ATP10A: variants seen among roughly 807,000 people sequenced by gnomAD.
ATP10A encodes phospholipid-transporting ATPase VA.
ATP10A carries 111 observed loss-of-function variants against 147.8 expected under a neutral mutation model. The observed-to-expected ratio is 0.75, with a 90% CI of 0.64 to 0.88. The LOEUF is 0.88. ATP10A is among the 40% of genes least tolerant of loss of function. The pLI is 0.00. For synonymous variants in ATP10A, 875 were observed against 841.6 expected (o/e 1.04, Z -0.69); for missense variants, 1,927 against 1,959.0 (o/e 0.98, Z 0.31).
intron 1 of ATP10A, among the ~76,000 whole-genome samples, chr15:25,830,686 C>G (rs1892316552): frequency 6.6e-6 from 1 of 152,100 alleles, no homozygotes; most frequent in African/African-American, 2.4e-5. Context: ...ATCTTCAGTC[C>G]CAAACTCAGA....
chr15:25,829,536 T>C (rs1286293839), intron 1 of ATP10A, among the ~76,000 whole-genome samples: 1 of 152,168 alleles, frequency 6.6e-6, no homozygotes, highest in Non-Finnish European at 1.5e-5. Context: ...AGAGTTAACA[T>C]TCTAATGCGG....
intron 1 of ATP10A, among the ~76,000 whole-genome samples, chr15:25,789,591 T>TGTGTGTGTGTGC (rs1555470190): frequency 6.6e-6 from 1 of 151,254 alleles, no homozygotes; most frequent in Non-Finnish European, 1.5e-5. Context: ...TGTGTGTGTG[T>TGTGTGTGTGTGC]GACAGAGACA....
intron 2 of ATP10A, among the ~76,000 whole-genome samples, chr15:25,756,243 A>G (rs1369868249): frequency 6.6e-6 from 1 of 152,134 alleles, no homozygotes; most frequent in African/African-American, 2.4e-5. Flanking sequence ...ATCTTGTCAG[A>G]TCTGCTCCTA....
downstream of ATP10A, among the ~76,000 whole-genome samples, chr15:25,674,343 A>G (rs2140261351): frequency 6.6e-6 from 1 of 152,318 alleles, no homozygotes; most frequent in Admixed American, 6.5e-5. Context: ...GCTTGGACAA[A>G]GGAGATTCAG....
downstream of ATP10A, among the ~76,000 whole-genome samples, chr15:25,674,971 G>A (rs1298400539): frequency 1.3e-5 from 2 of 152,210 alleles, no homozygotes; most frequent in Non-Finnish European, 1.5e-5. Context: ...TGGGCTTTGT[G>A]TGCCATTTTA....
intron 2 of ATP10A, among the ~76,000 whole-genome samples, chr15:25,737,433 TTCTC>T (rs1887348822): frequency 1.3e-5 from 2 of 152,188 alleles, no homozygotes; most frequent in East Asian, 1.9e-4. Flanking sequence ...TTATTATTCT[TTCTC>T]TCTAAGAAAA....
intron 2 of ATP10A, among the ~76,000 whole-genome samples, chr15:25,743,443 T>C (rs541225584): frequency 6.6e-6 from 1 of 152,290 alleles, no homozygotes; most frequent in Non-Finnish European, 1.5e-5. Flanking sequence ...GTATGAAGGA[T>C]TTAACAAGAA....
Position 25,718,269 on chromosome 15 carries a change from G to T in ATP10A, c.1494C>A (p.Ser498Arg), listed in dbSNP as rs2140410088. Reference sequence around the variant, plus strand: ...TGCCCGTGCGCCGGTGGGACTTGGTGCTCTGGGTTCTGTGCACCACCCGGA... The same window carrying T: ...TGCCCGTGCGCCGGTGGGACTTGGTTCTCTGGGTTCTGTGCACCACCCGGA... The part of the protein sequence containing the change: ...QSVRVVHRTQ[S>R]TKSHRRTGSR... Residue 498 changes from serine (S) to arginine (R), a missense_variant, in exon 8 of 21, where the codon AGC becomes AGA. Coordinates refer to ENST00000555815, the MANE Select transcript of ATP10A (RefSeq NM_024490.4). The T allele has an allele frequency of 6.2e-7, 1 of 1,612,578 alleles. No homozygotes were observed. Among genetic ancestry groups the T allele is most frequent in the African/African-American group, 1.3e-5 (1 of 75,046 alleles).
chr15:25,705,792 C>T (rs990055141), intron 12 of ATP10A, among the ~76,000 whole-genome samples: 4 of 152,222 alleles, frequency 2.6e-5, no homozygotes, highest in Admixed American at 2.6e-4. Context: ...CAAAAGGCGA[C>T]GTGAGATTCC....
chr15:25,857,308 G>T (rs1463575006), intron 1 of ATP10A, among the ~76,000 whole-genome samples: 1 of 152,138 alleles, frequency 6.6e-6, no homozygotes, highest in Admixed American at 6.5e-5. Flanking sequence ...TTAGCCAGGT[G>T]TGGTGGCGTG....
intron 9 of ATP10A, among the ~76,000 whole-genome samples, chr15:25,715,879 C>T (rs1428911589): frequency 1.3e-5 from 2 of 152,250 alleles, no homozygotes; most frequent in East Asian, 3.9e-4. Context: ...ACACACCTAC[C>T]CCATTCAACA....
At chr15:25,731,952 C>G (rs1886961889) in intron 3 of ATP10A, among the ~76,000 whole-genome samples, 1 of 152,008 alleles carries the variant, frequency 6.6e-6, no homozygotes, top group Non-Finnish European at 1.5e-5. Flanking sequence ...ACCTCCTGAG[C>G]TCAAGCCATC....
At chr15:25,720,524 A>G (rs907318566) in intron 7 of ATP10A, among the ~76,000 whole-genome samples, 16 of 152,040 alleles carry the variant, frequency 1.1e-4, no homozygotes, top group African/African-American at 3.9e-4. Context: ...GAAGAGCACA[A>G]TGCACTGTGC....
downstream of ATP10A, among the ~76,000 whole-genome samples, chr15:25,675,813 G>A (rs1596665515): frequency 6.6e-6 from 1 of 152,192 alleles, no homozygotes; most frequent in Non-Finnish European, 1.5e-5. Flanking sequence ...GGGCATGGTG[G>A]CAGGTGCCTA....
At chr15:25,742,744 G>A (rs568933321) in intron 2 of ATP10A, among the ~76,000 whole-genome samples, 9 of 152,186 alleles carry the variant, frequency 5.9e-5, no homozygotes, top group African/African-American at 2.2e-4. Context: ...AGTAGGTAAC[G>A]AGAGTTGTTT....
At chr15:25,734,164 C>A (rs1419016797) in intron 3 of ATP10A, among the ~76,000 whole-genome samples, 2 of 152,140 alleles carry the variant, frequency 1.3e-5, no homozygotes, top group African/African-American at 2.4e-5. Flanking sequence ...TCTCCTGCAC[C>A]GGACCCCGCC....
chr15:25,683,621 C>T, intron 16 of ATP10A, 135 bp from the exon 17 acceptor site: 1 of 842,974 alleles, frequency 1.2e-6, no homozygotes, highest in South Asian at 1.8e-5. Context: ...CTGCCAAAGA[C>T]AGCCATGACC....
chr15:25,696,919 C>T (rs1900371754), intron 13 of ATP10A, among the ~76,000 whole-genome samples: 2 of 152,200 alleles, frequency 1.3e-5, no homozygotes, highest in South Asian at 4.1e-4. Context: ...GGGAGCTAGA[C>T]CCTCCTTTCC....
intron 13 of ATP10A, among the ~76,000 whole-genome samples, chr15:25,699,173 AC>A (rs1049957163): frequency 2.6e-5 from 4 of 152,348 alleles, no homozygotes; most frequent in African/African-American, 9.6e-5. Context: ...GAATAACACT[AC>A]CAATTTTTAA....
Sources: allele counts gnomAD v4.1 joint callset (sites outside exome capture counted in the v4.1 genomes callset), GRCh38; gene constraint gnomAD v4.1.1; transcripts MANE v1.5; gene names NCBI Gene and HGNC (gene_info 2026-07-23, HGNC 2026-07-21).